Variants in KHDRBS2 observed in about 807,000 individuals in gnomAD.
KHDRBS2 encodes the protein KH RNA binding domain containing, signal transduction associated 2, also known as KH domain-containing, RNA-binding, signal transduction-associated protein 2.
In KHDRBS2, 26 loss-of-function variants were observed where a neutral mutation model predicts 44.3. The observed-to-expected ratio is 0.59, with a 90% CI of 0.43 to 0.81. KHDRBS2 has a LOEUF of 0.81. Ranked by LOEUF, KHDRBS2 falls within the 40% of genes least tolerant of loss-of-function variation. KHDRBS2 has a pLI of 0.00. For missense variants in KHDRBS2, 476 were observed against 433.1 expected, an observed-to-expected ratio of 1.10 and a Z score of -0.88; for synonymous variants, 194 against 151.1, an observed-to-expected ratio of 1.28 and a Z score of -2.08.
At chr6:62,127,087 A>C (rs567802395) in intron 2 of KHDRBS2, among the ~76,000 whole-genome samples, 3 of 152,160 alleles carry the variant, frequency 2.0e-5, no homozygotes, top group African/African-American at 7.2e-5. Flanking sequence ...CCAACTCCTA[A>C]ATAGAAGAAT....
At chr6:62,153,077 T>C (rs1297343881) in intron 2 of KHDRBS2, among the ~76,000 whole-genome samples, 3 of 152,200 alleles carry the variant, frequency 2.0e-5, no homozygotes, top group African/African-American at 4.8e-5. Flanking sequence ...TCACAGTTTA[T>C]AGCTTGCTCA....
chr6:61,876,903 A>G (rs1459363506), intron 6 of KHDRBS2, among the ~76,000 whole-genome samples: 1 of 152,038 alleles, frequency 6.6e-6, no homozygotes, highest in Non-Finnish European at 1.5e-5. Context: ...TGTTCCTTGT[A>G]AATTTGATTC....
chr6:62,064,351 G>A (rs1239811143), intron 2 of KHDRBS2, among the ~76,000 whole-genome samples: 1 of 147,998 alleles, frequency 6.8e-6, no homozygotes, highest in Non-Finnish European at 1.5e-5. Flanking sequence ...GAACAAAGCT[G>A]GAGGCATCAC....
chr6:61,817,330 C>A (rs1789135621), intron 6 of KHDRBS2, among the ~76,000 whole-genome samples: 1 of 152,008 alleles, frequency 6.6e-6, no homozygotes, highest in Non-Finnish European at 1.5e-5. Flanking sequence ...TATTAACTTT[C>A]TTTATTTAGT....
chr6:61,559,553 C>T, the KHDRBS2 span, among the ~76,000 whole-genome samples: 1 of 152,052 alleles, frequency 6.6e-6, no homozygotes, highest in Non-Finnish European at 1.5e-5. Context: ...TAATTTCTTG[C>T]TTGTTACTTC....
At position 62,039,103 on chromosome 6, in the gene KHDRBS2, A is replaced by C. The variant is rs551172964; in HGVS notation, c.336+8775T>G. ...AGTATAAAAAAATTAAGCAAATCTT[A>C]ATATTTTAAAAAGTAAAATATGCAA... On this transcript the variant is annotated intron_variant, in intron 3 of 8. Coordinates refer to ENST00000281156, the MANE Select transcript of KHDRBS2 (RefSeq NM_152688.4). 3.3e-5 allele frequency among the ~76,000 whole-genome samples: 5 copies of C among 152,184 alleles called. No individual in the cohort carries two copies. In the East Asian group the frequency reaches 9.7e-4, roughly 29 times the overall value.
intron 2 of KHDRBS2, among the ~76,000 whole-genome samples, chr6:62,090,486 G>C (rs1285016762): frequency 6.6e-6 from 1 of 151,812 alleles, no homozygotes; most frequent in African/African-American, 2.4e-5. Context: ...AATCGTATAA[G>C]AGCAGGGCTA....
At chr6:61,579,877 G>A in the KHDRBS2 span, among the ~76,000 whole-genome samples, 3 of 113,366 alleles carry the variant, frequency 2.6e-5, no homozygotes, top group Non-Finnish European at 3.6e-5. Context: ...GACCAACATG[G>A]AGAAACCCCG....
At chr6:61,589,532 T>G in the KHDRBS2 span, among the ~76,000 whole-genome samples, 1 of 152,222 alleles carries the variant, frequency 6.6e-6, no homozygotes, top group African/African-American at 2.4e-5. Context: ...TTGTACAAGT[T>G]TCTCAGGATA....
At chr6:61,720,019 A>G (rs1477535921) in intron 7 of KHDRBS2, among the ~76,000 whole-genome samples, 1 of 151,986 alleles carries the variant, frequency 6.6e-6, no homozygotes, top group African/African-American at 2.4e-5. Flanking sequence ...ATGAGTGAGA[A>G]TATGCGGTGT....
intron 2 of KHDRBS2, among the ~76,000 whole-genome samples, chr6:62,112,588 A>T (rs951271388): frequency 1.3e-5 from 2 of 152,174 alleles, no homozygotes; most frequent in African/African-American, 4.8e-5. Context: ...AAAAGGTAAT[A>T]AAGTCAACTA....
intron 6 of KHDRBS2, among the ~76,000 whole-genome samples, chr6:61,750,572 G>T (rs1448840057): frequency 6.6e-6 from 1 of 152,106 alleles, no homozygotes; most frequent in Admixed American, 6.5e-5. Context: ...CACCAATGGT[G>T]CTTGGCTCAC....
chr6:61,865,239 A>G lies in KHDRBS2; in HGVS notation c.810+29396T>C, dbSNP rs189386012. On this transcript the variant is annotated intron_variant, in intron 6 of 8. Coordinates refer to ENST00000281156, the MANE Select transcript of KHDRBS2 (RefSeq NM_152688.4). Reference sequence around the variant, plus strand: ...GTGCTCCTTTGGTTCAGCAAAGTTCATTTTTATTCACATTCCGAAGCCTAC... The same window carrying G: ...GTGCTCCTTTGGTTCAGCAAAGTTCGTTTTTATTCACATTCCGAAGCCTAC... 4.5e-3 allele frequency among the ~76,000 whole-genome samples: 686 copies of G among 152,206 alleles called. 3 individuals carry two copies. Among genetic ancestry groups the G allele is most frequent in the Non-Finnish European group, 6.1e-3 (412 of 67,992 alleles).
chr6:61,795,267 C>T (rs766038679), intron 6 of KHDRBS2, among the ~76,000 whole-genome samples: 1 of 150,446 alleles, frequency 6.6e-6, no homozygotes, highest in Non-Finnish European at 1.5e-5. Context: ...CTGAAAGTCA[C>T]ACTATTAAGA....
chr6:62,182,576 T>C (rs1019218709), intron 1 of KHDRBS2, among the ~76,000 whole-genome samples: 1 of 151,902 alleles, frequency 6.6e-6, no homozygotes, highest in African/African-American at 2.4e-5. Context: ...CTCTCCAAAT[T>C]CATCAAGCTG....
chr6:62,102,215 G>T (rs1401310424), intron 2 of KHDRBS2, among the ~76,000 whole-genome samples: 3 of 152,114 alleles, frequency 2.0e-5, no homozygotes, highest in Non-Finnish European at 4.4e-5. Context: ...TAATTAGAGG[G>T]TTTCATATGA....
chr6:61,744,216 A>G (rs1366327973), intron 6 of KHDRBS2, among the ~76,000 whole-genome samples: 1 of 152,146 alleles, frequency 6.6e-6, no homozygotes, highest in Non-Finnish European at 1.5e-5. Context: ...GTCAAAAACA[A>G]GGACTCTATT....
At position 62,021,353 on chromosome 6, in the gene KHDRBS2, C is replaced by T. The variant is rs188967871; in HGVS notation, c.336+26525G>A. Among the ~76,000 whole-genome samples, 91 of 151,936 alleles carry T rather than the reference C, an allele frequency of 6.0e-4. 1 individual carries two copies. The highest frequency in any genetic ancestry group is 2.1e-3 in the African/African-American group (89 of 41,492). On this transcript the variant is annotated intron_variant, in intron 3 of 8. Coordinates refer to ENST00000281156, the MANE Select transcript of KHDRBS2 (RefSeq NM_152688.4). ...GACAAAACAATATGTACAACAAATT[C>T]CCATGACACAGGTTTACCTATATAA...
intron 1 of KHDRBS2, among the ~76,000 whole-genome samples, chr6:62,200,461 T>G (rs879526937): frequency 6.4e-4 from 97 of 152,200 alleles, no homozygotes; most frequent in Non-Finnish European, 1.2e-3. Flanking sequence ...AAGACATTTA[T>G]GCAGCCAAAA....
Sources: gnomAD v4.1 joint callset for allele counts (sites outside exome capture counted in the v4.1 genomes callset) on GRCh38, gnomAD v4.1.1 for gene constraint, MANE v1.5 for transcripts, NCBI Gene and HGNC (gene_info 2026-07-23, HGNC 2026-07-21) for gene names.